NTM: variants seen among roughly 807,000 people sequenced by gnomAD.
The protein encoded by NTM is neurotrimin, also known as IgLON family member 2.
Under a neutral mutation model 42.1 loss-of-function variants are expected in NTM, and 13 were observed. The ratio of observed to expected loss-of-function variants is 0.31; its 90% CI spans 0.20 to 0.49. NTM has a LOEUF of 0.49. NTM is among the 20% of genes least tolerant of loss of function. NTM has a pLI of 0.99. For synonymous variants in NTM, 187 were observed against 179.2 expected, an observed-to-expected ratio of 1.04 and a Z score of -0.35; for missense variants, 373 against 452.8, an observed-to-expected ratio of 0.82 and a Z score of 1.60.
chr11:132,083,116 T>C (rs1010823903), intron 2 of NTM, among the ~76,000 whole-genome samples: 1 of 152,216 alleles, frequency 6.6e-6, no homozygotes, highest in Non-Finnish European at 1.5e-5. Flanking sequence ...TTGATTCAGA[T>C]TTTTATATTA....
At chr11:131,637,254 T>C (rs968680947) in intron 1 of NTM, among the ~76,000 whole-genome samples, 4 of 151,808 alleles carry the variant, frequency 2.6e-5, no homozygotes, top group African/African-American at 4.8e-5. Flanking sequence ...GAGCTCGTCT[T>C]CTCCTTGGAA....
rs192025408 is a variant in NTM, at chr11:131,905,987, G to A, written c.83-5577G>A. Reference sequence around the variant, plus strand: ...ATGAGAAAGTTCTCAAGGGCCTATAGGGGAGTGCAGGGTGGAGTTCATTTA... The same window carrying A: ...ATGAGAAAGTTCTCAAGGGCCTATAAGGGAGTGCAGGGTGGAGTTCATTTA... On this transcript the variant is annotated intron_variant, in intron 1 of 8. Transcript: ENST00000683400. 3.9e-5 allele frequency among the ~76,000 whole-genome samples: 6 copies of A among 152,318 alleles called. No individual in the cohort carries two copies. The South Asian group carries it at 1.0e-3, about 26-fold the overall frequency.
chr11:132,065,247 C>T (rs989664652), intron 2 of NTM, among the ~76,000 whole-genome samples: 1 of 151,516 alleles, frequency 6.6e-6, no homozygotes, highest in Non-Finnish European at 1.5e-5. Flanking sequence ...CTTTCTGGAA[C>T]ATCCGTGCAT....
chr11:131,987,907 C>T (rs535507053), intron 2 of NTM, among the ~76,000 whole-genome samples: 54 of 152,350 alleles, frequency 3.5e-4, no homozygotes, highest in African/African-American at 1.3e-3. Flanking sequence ...GCAGAGATGA[C>T]TCATGCACAC....
intron 3 of NTM, among the ~76,000 whole-genome samples, chr11:132,208,501 C>T (rs2082326366): frequency 6.6e-6 from 1 of 152,188 alleles, no homozygotes; most frequent in African/African-American, 2.4e-5. Context: ...TGGATATTTT[C>T]CAATTATTAG....
At chr11:131,613,161 A>G (rs1251844175) in intron 1 of NTM, among the ~76,000 whole-genome samples, 2 of 152,106 alleles carry the variant, frequency 1.3e-5, no homozygotes, top group Non-Finnish European at 2.9e-5. Context: ...GCAGGAAAGC[A>G]TGGGCAGGGA....
At chr11:132,262,912 G>C (rs553850037) in intron 4 of NTM, among the ~76,000 whole-genome samples, 2 of 152,244 alleles carry the variant, frequency 1.3e-5, no homozygotes, top group South Asian at 2.1e-4. Flanking sequence ...CTGTGAACAT[G>C]GGAAAACAAG....
At chr11:131,991,153 T>C (rs576043365) in intron 2 of NTM, among the ~76,000 whole-genome samples, 1 of 152,356 alleles carries the variant, frequency 6.6e-6, no homozygotes, top group African/African-American at 2.4e-5. Flanking sequence ...AGATGAGTTA[T>C]CTAATCTTTG....
At chr11:131,592,131 C>T (rs187027406) in intron 1 of NTM, among the ~76,000 whole-genome samples, 22 of 152,302 alleles carry the variant, frequency 1.4e-4, no homozygotes, top group African/African-American at 4.6e-4. Flanking sequence ...GCACTCACCC[C>T]ACTTAATCCT....
intron 1 of NTM, among the ~76,000 whole-genome samples, chr11:131,614,954 C>T (rs539622010): frequency 1.9e-4 from 29 of 152,236 alleles, no homozygotes; most frequent in Non-Finnish European, 4.1e-4. Flanking sequence ...CATGCCCCCT[C>T]CATTCTGCCC....
At chr11:132,028,261 T>TC (rs2075449660) in intron 2 of NTM, among the ~76,000 whole-genome samples, 1 of 148,750 alleles carries the variant, frequency 6.7e-6, no homozygotes, top group Non-Finnish European at 1.5e-5. Flanking sequence ...TTTTTTTTTT[T>TC]CGTCTTATAG....
chr11:132,073,632 C>T (rs996882375), intron 2 of NTM, among the ~76,000 whole-genome samples: 3 of 152,184 alleles, frequency 2.0e-5, no homozygotes, highest in Non-Finnish European at 4.4e-5. Flanking sequence ...CACTAGGAAA[C>T]TCACCAAACT....
chr11:131,865,735 A>ACT (rs2047072604), intron 1 of NTM, among the ~76,000 whole-genome samples: 1 of 85,818 alleles, frequency 1.2e-5, no homozygotes, highest in Non-Finnish European at 2.4e-5. Flanking sequence ...ACCTGCTCTC[A>ACT]CACGTTGCAC....
In NTM at chr11:132,297,884, C is replaced by G. The variant is rs117878178; in HGVS notation, c.527-9805C>G. 1.1e-4 allele frequency among the ~76,000 whole-genome samples: 16 copies of G among 152,236 alleles called. No homozygotes were observed. In the East Asian group the frequency reaches 3.1e-3, roughly 29 times the overall value. ...GAAAACACACACCAATGCACGTATG[C>G]ATAATATTATTTCCTGGTATTCAAA... is the stretch of plus-strand genomic sequence containing the variant. On this transcript the variant is annotated intron_variant, in intron 4 of 8. Transcript: ENST00000683400.
In NTM at chr11:131,565,144, A is replaced by G. The variant is rs537075145; in HGVS notation, c.82+194256A>G. On this transcript the variant is annotated intron_variant, in intron 1 of 8. Coordinates refer to ENST00000683400, the MANE Select transcript of NTM (RefSeq NM_001352005.2). ...GCATGTTGGTGGTCTGCTCACCCCA[A>G]CACTGTCCCCTGTGAACACAGGGAG... Among the ~76,000 whole-genome samples, 4 of 151,084 alleles carry G rather than the reference A, an allele frequency of 2.6e-5. No homozygotes were observed. The East Asian group carries it at 7.8e-4, about 29-fold the overall frequency.
intron 1 of NTM, among the ~76,000 whole-genome samples, chr11:131,705,669 TA>T (rs1280435654): frequency 6.6e-6 from 1 of 151,974 alleles, no homozygotes; most frequent in African/African-American, 2.4e-5. Flanking sequence ...ATACACAATA[TA>T]AAAAAGACAT....
chr11:131,653,279 T>C (rs1294044442), intron 1 of NTM, among the ~76,000 whole-genome samples: 2 of 59,074 alleles, frequency 3.4e-5, no homozygotes, highest in Non-Finnish European at 1.0e-4. Flanking sequence ...CTCCACCTGC[T>C]GTCTCTCTTA....
At chr11:131,855,677 T>C (rs1374673006) in intron 1 of NTM, among the ~76,000 whole-genome samples, 1 of 152,214 alleles carries the variant, frequency 6.6e-6, no homozygotes, top group Non-Finnish European at 1.5e-5. Flanking sequence ...ATCCTAACAA[T>C]GTGTTTAAAG....
intron 2 of NTM, among the ~76,000 whole-genome samples, chr11:132,079,199 T>C (rs1055653468): frequency 2.0e-5 from 3 of 152,180 alleles, no homozygotes; most frequent in Non-Finnish European, 2.9e-5. Context: ...ATAATGATAC[T>C]AATCAGTAGC....
Sources: allele counts gnomAD v4.1 joint callset (sites outside exome capture counted in the v4.1 genomes callset), GRCh38; gene constraint gnomAD v4.1.1; transcripts MANE v1.5; gene names NCBI Gene and HGNC (gene_info 2026-07-23, HGNC 2026-07-21).